The following FAM131B variants were observed in gnomAD, a reference collection of about 807,000 sequenced individuals.
The protein encoded by FAM131B is family with sequence similarity 131 member B.
Under a neutral mutation model 42.0 loss-of-function variants are expected in FAM131B, and 19 were observed. The observed-to-expected ratio is 0.45, with a 90% CI of 0.32 to 0.66. The LOEUF is 0.66. Ranked by LOEUF, FAM131B falls within the 30% of genes least tolerant of loss-of-function variation. The pLI is 0.05. For missense variants in FAM131B, 370 were observed against 468.4 expected, an observed-to-expected ratio of 0.79 and a Z score of 1.94; for synonymous variants, 183 against 177.6, an observed-to-expected ratio of 1.03 and a Z score of -0.24.
chr7:143,365,929 T>G (rs1318188837), upstream of FAM131B, among the ~76,000 whole-genome samples: 2 of 152,176 alleles, frequency 1.3e-5, no homozygotes, highest in Non-Finnish European at 2.9e-5. Flanking sequence ...TTAATTTTTA[T>G]TTTTGTAGAT....
At position 143,359,082 on chromosome 7, in the gene FAM131B, A is replaced by C; in HGVS notation, c.269-58T>G. ...AATATCACACAATACCCATAACCAG[A>C]CCCTCCCAGTTCCTCCCACCCCAGC... On this transcript the variant is annotated intron_variant, in intron 4 of 6. Transcript: ENST00000443739. This position sits in a 1 kb window ranked among gnomAD's most constrained non-coding sequence, Gnocchi z 5.4. The C allele has an allele frequency of 6.5e-7, 1 of 1,537,360 alleles. No homozygotes were observed.
Position 143,362,115 on chromosome 7 carries a change from C to CG in FAM131B, c.28+460dup. 3 of 757,866 alleles carry CG rather than the reference C, an allele frequency of 4.0e-6. No homozygotes were observed. The highest frequency in any genetic ancestry group is 4.8e-6 in the Non-Finnish European group (3 of 621,456). 46.9% of individuals were successfully genotyped at this position (757,866 alleles called of 1,614,324 possible). On this transcript the variant is annotated intron_variant, in intron 1 of 6. Coordinates refer to ENST00000443739, the MANE Select transcript of FAM131B (RefSeq NM_001031690.3). The surrounding 1 kb of genome is among the most constrained non-coding windows in gnomAD (Gnocchi z 7.7). ...CACCCGAGCCAGATGGAGGCGGCGG[C>CG]GGGGGGTGGCGTGGGGGGCGTGCGA... is the stretch of plus-strand genomic sequence containing the variant.
chr7:143,359,998 T>C lies in FAM131B; in HGVS notation c.138+42A>G. On this transcript the variant is annotated intron_variant, in intron 2 of 6. Coordinates refer to ENST00000443739, the MANE Select transcript of FAM131B (RefSeq NM_001031690.3). This position sits in a 1 kb window ranked among gnomAD's most constrained non-coding sequence, Gnocchi z 5.4. ...GGTTGTTGCCTTGGAATTGAGGAAG[T>C]GCAGGCAGCCAGAGACTTGGGGTGG... is the stretch of plus-strand genomic sequence containing the variant. 1 of 1,438,542 alleles carries C rather than the reference T, an allele frequency of 7.0e-7. No individual in the cohort carries two copies. Among genetic ancestry groups the C allele is most frequent in the Non-Finnish European group, 9.8e-7 (1 of 1,023,710 alleles). The allele number at this position is 1,438,542 out of a possible 1,614,324, so 89.1% of individuals were successfully genotyped here.
chr7:143,359,638 G>T lies in FAM131B; in HGVS notation c.174+94C>A. 1 of 1,262,036 alleles carries T rather than the reference G, an allele frequency of 7.9e-7. No individual in the cohort carries two copies. The highest frequency in any genetic ancestry group is 1.1e-6 in the Non-Finnish European group (1 of 882,724). 78.2% of individuals were successfully genotyped at this position (1,262,036 alleles called of 1,614,324 possible). A position where few individuals can be genotyped will look rare whatever the true frequency, so the allele number is the denominator to read the frequency against. ...GTGAGTGCTCACAGTGCCTATTGGA[G>T]CCAGGGAATACCGTGCTGGTTGGAA... On this transcript the variant is annotated intron_variant, in intron 3 of 6. Transcript: ENST00000443739. This position sits in a 1 kb window ranked among gnomAD's most constrained non-coding sequence, Gnocchi z 5.4.
the FAM131B span, among the ~76,000 whole-genome samples, chr7:143,369,899 G>A: frequency 3.3e-5 from 5 of 152,122 alleles, no homozygotes; most frequent in Non-Finnish European, 7.4e-5. Context: ...TCTCCTGGGT[G>A]GGGGTCCACT....
chr7:143,374,795 C>T, the FAM131B span, among the ~76,000 whole-genome samples: 3 of 152,150 alleles, frequency 2.0e-5, no homozygotes, highest in African/African-American at 7.2e-5. Flanking sequence ...TATTCCTCTC[C>T]TTCCACTTTG....
the FAM131B span, chr7:143,380,377 C>G: frequency 1.0e-6 from 1 of 984,890 alleles, no homozygotes; most frequent in Admixed American, 6.2e-5. This position sits in a 1 kb window ranked among gnomAD's most constrained non-coding sequence, Gnocchi z 5.0. Context: ...AGAGCTCCAC[C>G]GTCGCCCGGG....
chr7:143,377,275 T>G, the FAM131B span, among the ~76,000 whole-genome samples: 1 of 152,212 alleles, frequency 6.6e-6, no homozygotes, highest in Admixed American at 6.5e-5. Flanking sequence ...TAACAATTCT[T>G]GACATCTTCT....
At chr7:143,379,793 GT>G in the FAM131B span, 1 of 152,392 alleles carries the variant, frequency 6.6e-6, no homozygotes, top group Non-Finnish European at 1.5e-5. Context: ...AGAGGCGTCA[GT>G]TTGGGCATCA....
At chr7:143,375,864 C>G in the FAM131B span, among the ~76,000 whole-genome samples, 1 of 152,198 alleles carries the variant, frequency 6.6e-6, no homozygotes, top group Non-Finnish European at 1.5e-5. Context: ...CTAGCGGCTG[C>G]CTCGGTGCCA....
chr7:143,374,575 C>T, the FAM131B span, among the ~76,000 whole-genome samples: 5 of 152,312 alleles, frequency 3.3e-5, no homozygotes, highest in East Asian at 5.8e-4. Flanking sequence ...GAAAACTCTG[C>T]GGTAGTTCCC....
At chr7:143,381,204 C>T in the FAM131B span, 1 of 998,636 alleles carries the variant, frequency 1.0e-6, no homozygotes, top group Non-Finnish European at 1.2e-6. Flanking sequence ...CTGGTCCGCC[C>T]TTCCCCGCTC....
At chr7:143,376,908 T>C in the FAM131B span, among the ~76,000 whole-genome samples, 1 of 152,202 alleles carries the variant, frequency 6.6e-6, no homozygotes, top group Non-Finnish European at 1.5e-5. Context: ...AATACAAAAG[T>C]ATAAAAGCCT....
upstream of FAM131B, among the ~76,000 whole-genome samples, chr7:143,367,093 C>T (rs1804198048): frequency 6.6e-6 from 1 of 152,198 alleles, no homozygotes; most frequent in South Asian, 2.1e-4. Context: ...TCTCCCCCGA[C>T]CCCTACCTGC....
chr7:143,371,956 T>C, the FAM131B span, among the ~76,000 whole-genome samples: 1 of 152,166 alleles, frequency 6.6e-6, no homozygotes, highest in Non-Finnish European at 1.5e-5. Context: ...AGGTAGAGCC[T>C]AGGAAAGGTT....
chr7:143,381,346 C>T, the FAM131B span: 1 of 1,148,960 alleles, frequency 8.7e-7, no homozygotes, highest in Non-Finnish European at 1.1e-6. Context: ...GACCGGGACG[C>T]AGAGTCTGCG....
At chr7:143,360,202 G>C (rs768990886) in intron 1 of FAM131B, 53 bp from the exon 2 acceptor site, 2 of 1,557,516 alleles carry the variant, frequency 1.3e-6, no homozygotes, top group Non-Finnish European at 1.7e-6. Context: ...TGCAGCCGAG[G>C]CGACACCCTG....
At position 143,356,843 on chromosome 7, in the gene FAM131B, C is replaced by G. The variant is rs2116437958; in HGVS notation, c.790G>C (p.Gly264Arg). ...TATCCTGAAGCTGGTTGGGAAGGTC[C>G]CATTTCATGCAAGCTGGGTTGTGAG... ...DDSQPSLHEM[G>R]PSQPASGYSA... The change falls in exon 7 of 7, where the codon GGA becomes CGA. Residue 264 changes from glycine to arginine, a missense_variant. Gly to Arg is a moderately radical substitution (Grantham distance 125). Coordinates refer to ENST00000443739, the MANE Select transcript of FAM131B (RefSeq NM_001031690.3). This position sits in a 1 kb window ranked among gnomAD's most constrained non-coding sequence, Gnocchi z 4.4. The G allele has an allele frequency of 6.2e-7, 1 of 1,614,088 alleles. No homozygotes were observed. Among genetic ancestry groups the G allele is most frequent in the African/African-American group, 1.3e-5 (1 of 75,014 alleles).
At chr7:143,365,384 G>C (rs182667631), upstream of FAM131B, among the ~76,000 whole-genome samples, 7 of 152,164 alleles carry the variant, frequency 4.6e-5, no homozygotes, top group Admixed American at 6.5e-5. Flanking sequence ...GTCAGAATGA[G>C]AGAGATAGAG....
Sources: gnomAD v4.1 joint callset for allele counts (sites outside exome capture counted in the v4.1 genomes callset) on GRCh38, gnomAD v4.1.1 for gene constraint, Gnocchi (gnomAD v3.1) non-coding constraint, MANE v1.5 for transcripts, NCBI Gene and HGNC (gene_info 2026-07-23, HGNC 2026-07-21) for gene names.